DNAJC6: variants seen among roughly 807,000 people sequenced by gnomAD.
The protein encoded by DNAJC6 is DnaJ heat shock protein family (Hsp40) member C6, also known as auxilin.
DNAJC6 carries 34 observed loss-of-function variants against 110.0 expected under a neutral mutation model. The ratio of observed to expected loss-of-function variants is 0.31; its 90% CI spans 0.24 to 0.41. The LOEUF is 0.41. DNAJC6 is among the 10% of genes least tolerant of loss of function. The pLI is 1.00. For synonymous variants in DNAJC6, 406 were observed against 437.2 expected, an observed-to-expected ratio of 0.93 and a Z score of 0.89; for missense variants, 1,031 against 1,207.8, an observed-to-expected ratio of 0.85 and a Z score of 2.17.
At position 65,366,068 on chromosome 1, in the gene DNAJC6, A is replaced by G. The variant is rs1382707653; in HGVS notation, c.415A>G (p.Asn139Asp). 1.2e-6 allele frequency: 2 copies of G among 1,613,872 alleles called. No homozygotes were observed. Among genetic ancestry groups the G allele is most frequent in the Non-Finnish European group, 1.7e-6 (2 of 1,179,802 alleles). ...RIIVMSFPLD[N>D]VDIGFRNQVD... The stretch of plus-strand genomic sequence containing the variant: ...CCTAGTGATGTCCTTTCCTCTGGAC[A>G]ATGTTGACATAGGATTCAGGAATCA... The change falls in exon 4 of 19, where the codon AAT (asparagine) becomes GAT (aspartate). Residue 139 changes from asparagine (N) to aspartate (D), a missense_variant. Transcript: ENST00000371069.
chr1:65,329,481 T>C (rs1645268469), intron 1 of DNAJC6, among the ~76,000 whole-genome samples: 1 of 151,782 alleles, frequency 6.6e-6, no homozygotes, highest in African/African-American at 2.4e-5. Context: ...TTTATTAAAA[T>C]ATGTATAGGA....
At chr1:65,339,915 G>C (rs1244414029) in intron 1 of DNAJC6, among the ~76,000 whole-genome samples, 1 of 152,148 alleles carries the variant, frequency 6.6e-6, no homozygotes, top group Admixed American at 6.5e-5. Flanking sequence ...CAAATACTTC[G>C]ACTCCTTGTC....
chr1:65,406,449 A>G (rs1019982893), intron 16 of DNAJC6, among the ~76,000 whole-genome samples: 1 of 152,228 alleles, frequency 6.6e-6, no homozygotes, highest in Non-Finnish European at 1.5e-5. Flanking sequence ...AGCACCTAGC[A>G]TAGTGCTTGG....
intron 1 of DNAJC6, among the ~76,000 whole-genome samples, chr1:65,310,671 T>G (rs1426433032): frequency 6.6e-6 from 1 of 152,226 alleles, no homozygotes; most frequent in African/African-American, 2.4e-5. Context: ...CAACTGTCTT[T>G]TATAAAAGGT....
At chr1:65,279,848 T>A (rs1653788933) in intron 1 of DNAJC6, 1 of 152,222 alleles carries the variant, frequency 6.6e-6, no homozygotes, top group African/African-American at 2.4e-5. Context: ...TATTTTTAAT[T>A]ATTAGATGAA....
intron 1 of DNAJC6, among the ~76,000 whole-genome samples, chr1:65,360,662 G>A (rs1645588628): frequency 6.6e-6 from 1 of 152,144 alleles, no homozygotes; most frequent in Non-Finnish European, 1.5e-5. Context: ...TGTTTACAGG[G>A]AAATAATGTG....
chr1:65,328,566 A>G (rs1645260791), intron 1 of DNAJC6, among the ~76,000 whole-genome samples: 1 of 152,230 alleles, frequency 6.6e-6, no homozygotes, highest in Non-Finnish European at 1.5e-5. Context: ...TATTTTCTCA[A>G]CTATGTGGGT....
At chr1:65,368,960 C>T (rs528505389) in intron 4 of DNAJC6, among the ~76,000 whole-genome samples, 13 of 151,938 alleles carry the variant, frequency 8.6e-5, no homozygotes, top group African/African-American at 1.2e-4. Flanking sequence ...TTAGTAGAGA[C>T]GATTTTGCCA....
Position 65,380,916 on chromosome 1 carries a change from G to GTTTTTTTTTTTTTTTTTTTTTTT in DNAJC6, c.666+1396_666+1397insTTTTTTTTTTTTTTTTTTTTTTT, listed in dbSNP as rs796797174. Among the ~76,000 whole-genome samples, 70 of 93,522 alleles carry GTTTTTTTTTTTTTTTTTTTTTTT rather than the reference G, an allele frequency of 7.5e-4. 13 individuals carry two copies. Among genetic ancestry groups the GTTTTTTTTTTTTTTTTTTTTTTT allele is most frequent in the African/African-American group, 4.1e-3 (62 of 15,046 alleles). 61.4% of individuals were successfully genotyped at this position (93,522 alleles called of 152,430 possible). ...TTTTTTTTTTTTTGTTTTTTGTTTT[G>GTTTTTTTTTTTTTTTTTTTTTTT]TTTTGTTTTTTTTTTTTTTTTGGGA... On this transcript the variant is annotated intron_variant, in intron 5 of 18. Transcript: ENST00000371069.
chr1:65,309,974 C>G, intron 1 of DNAJC6, 36 bp downstream of exon 1: 2 of 1,362,528 alleles, frequency 1.5e-6, no homozygotes, highest in Non-Finnish European at 1.9e-6. Context: ...CGCTGAGCCC[C>G]GCGCGGCCTC....
At chr1:65,411,183 T>A in intron 17 of DNAJC6, 67 bp from the exon 18 acceptor site, 2 of 1,512,188 alleles carry the variant, frequency 1.3e-6, no homozygotes, top group Non-Finnish European at 1.8e-6. Context: ...GTTTCTAGAG[T>A]CCTAGTGGAA....
chr1:65,264,827 G>A (rs1263188277), exon 1 of DNAJC6: 12 of 1,587,160 alleles, frequency 7.6e-6, no homozygotes, highest in Non-Finnish European at 1.0e-5. Flanking sequence ...CGAGACCGCT[G>A]ACTGTGAATG....
At chr1:65,381,858 A>T (rs1645825618) in intron 5 of DNAJC6, among the ~76,000 whole-genome samples, 2 of 152,236 alleles carry the variant, frequency 1.3e-5, no homozygotes, top group Admixed American at 6.5e-5. Context: ...CGTAACAATG[A>T]TGTTTAAGAC....
intron 1 of DNAJC6, among the ~76,000 whole-genome samples, chr1:65,318,489 C>A (rs1301598136): frequency 6.6e-6 from 1 of 152,086 alleles, no homozygotes; most frequent in Middle Eastern, 3.2e-3. Context: ...ATCAGATGTA[C>A]CTGAGTAAAC....
At chr1:65,379,629 T>C in intron 5 of DNAJC6, 105 bp downstream of exon 5, 1 of 1,448,200 alleles carries the variant, frequency 6.9e-7, no homozygotes, top group Non-Finnish European at 9.3e-7. Flanking sequence ...TAGGATTTAC[T>C]GAGCCCATAT....
chr1:65,332,233 C>G (rs1162758324), intron 1 of DNAJC6, among the ~76,000 whole-genome samples: 1 of 152,146 alleles, frequency 6.6e-6, no homozygotes, highest in Non-Finnish European at 1.5e-5. Flanking sequence ...CTATGGTTAA[C>G]TCTCTTTTCC....
At chr1:65,354,871 A>T (rs902329109) in intron 1 of DNAJC6, among the ~76,000 whole-genome samples, 2 of 152,100 alleles carry the variant, frequency 1.3e-5, no homozygotes, top group Admixed American at 1.3e-4. Flanking sequence ...TTTTTAATTG[A>T]TTTTTGGACA....
rs999608862 is a variant in DNAJC6, at chr1:65,269,095, C to T, written c.-131+4163C>T. Among the ~76,000 whole-genome samples the T allele has an allele frequency of 1.1e-4, 16 of 151,940 alleles. 1 individual carries two copies. The highest frequency in any genetic ancestry group is 2.0e-4 in the Admixed American group (3 of 15,258). On this transcript the variant is annotated intron_variant, in intron 1 of 19. Transcript: ENST00000263441. ...GGATTTAAAAGTTGTCATGACTGGG[C>T]GTGGTGGCTCAACCTGTGATCCCAA...
upstream of DNAJC6, among the ~76,000 whole-genome samples, chr1:65,305,683 A>G (rs1645030195): frequency 6.6e-6 from 1 of 152,208 alleles, no homozygotes; most frequent in Non-Finnish European, 1.5e-5. Flanking sequence ...TCCAAATCCA[A>G]TAGGAAATAC....
Sources: allele counts gnomAD v4.1 joint callset (sites outside exome capture counted in the v4.1 genomes callset), GRCh38; gene constraint gnomAD v4.1.1; transcripts MANE v1.5; gene names NCBI Gene and HGNC (gene_info 2026-07-23, HGNC 2026-07-21).